OSMR: variants seen among roughly 807,000 people sequenced by gnomAD.
OSMR encodes the protein oncostatin M receptor.
In OSMR, 81 loss-of-function variants were observed where a neutral mutation model predicts 99.9. The observed-to-expected ratio is 0.81, with a 90% confidence interval of 0.68 to 0.97. The LOEUF is 0.97. OSMR is among the 50% of genes least tolerant of loss of function. The pLI is 0.00. For synonymous variants in OSMR, 406 were observed against 410.4 expected, an observed-to-expected ratio of 0.99 and a Z score of 0.13; for missense variants, 1,099 against 1,153.4, an observed-to-expected ratio of 0.95 and a Z score of 0.68.
chr5:38,903,220 A>C (rs969860335), intron 7 of OSMR, among the ~76,000 whole-genome samples: 2 of 152,204 alleles, frequency 1.3e-5, no homozygotes, highest in Admixed American at 6.5e-5. Context: ...ATTTGTTACC[A>C]TCAGACAGGC....
Position 38,932,456 on chromosome 5 carries a change from T to C in OSMR, c.2295-7T>C. 1 of 1,612,176 alleles carries C rather than the reference T, an allele frequency of 6.2e-7. No individual in the cohort carries two copies. The highest frequency in any genetic ancestry group is 8.5e-7 in the Non-Finnish European group (1 of 1,178,228). On this transcript the variant is annotated splice_region_variant and splice_polypyrimidine_tract_variant and intron_variant, in intron 16 of 17. Coordinates refer to ENST00000274276, the MANE Select transcript of OSMR (RefSeq NM_003999.3). ...AAATTCAGTCTCATTTTCGCTTTTT[T>C]TTCTAGGATCAAGGAGACCTGTTAT...
At chr5:38,912,704 C>T (rs1373887455) in intron 9 of OSMR, among the ~76,000 whole-genome samples, 1 of 152,134 alleles carries the variant, frequency 6.6e-6, no homozygotes, top group East Asian at 1.9e-4. Context: ...ACCAAAACAT[C>T]ATGGTACCAG....
chr5:38,866,995 C>T (rs887675129), intron 1 of OSMR, among the ~76,000 whole-genome samples: 1 of 152,142 alleles, frequency 6.6e-6, no homozygotes, highest in African/African-American at 2.4e-5. Context: ...CACTTCCCTG[C>T]TGAATTCCAG....
At chr5:38,914,236 C>A (rs1745770733) in intron 9 of OSMR, among the ~76,000 whole-genome samples, 1 of 152,158 alleles carries the variant, frequency 6.6e-6, no homozygotes, top group African/African-American at 2.4e-5. Context: ...TTCTCAGAGG[C>A]CACTCTCTTT....
chr5:38,943,971 G>A (rs993700643), intron 1 of OSMR, among the ~76,000 whole-genome samples: 3 of 152,010 alleles, frequency 2.0e-5, no homozygotes, highest in African/African-American at 2.4e-5. Context: ...TTTGGTCTCA[G>A]GACTTACTTT....
At chr5:38,898,492 A>C (rs992977415) in intron 7 of OSMR, among the ~76,000 whole-genome samples, 1 of 152,134 alleles carries the variant, frequency 6.6e-6, no homozygotes, top group African/African-American at 2.4e-5. Context: ...GTGCCTTTAT[A>C]GGCTAAGTGC....
intron 2 of OSMR, among the ~76,000 whole-genome samples, chr5:38,873,058 C>A (rs1742518095): frequency 6.6e-6 from 1 of 152,160 alleles, no homozygotes; most frequent in African/African-American, 2.4e-5. Flanking sequence ...ATTTTCATTA[C>A]CCCAGAAAGG....
chr5:38,929,721 A>C (rs72635269), intron 15 of OSMR, among the ~76,000 whole-genome samples: 2,838 of 152,316 alleles, frequency 0.019, 58 homozygotes, highest in African/African-American at 0.052. Context: ...ATATGCCCCC[A>C]AAATGCCTAC....
At chr5:38,911,835 A>C (rs1359107379) in intron 9 of OSMR, among the ~76,000 whole-genome samples, 1 of 152,244 alleles carries the variant, frequency 6.6e-6, no homozygotes, top group Non-Finnish European at 1.5e-5. Context: ...CAATATATGC[A>C]GAAAAAGCTT....
chr5:38,941,561 A>T (rs1747573667), intron 1 of OSMR: 1 of 231,216 alleles, frequency 4.3e-6, no homozygotes, highest in African/African-American at 2.2e-5. Flanking sequence ...AATTAAAATA[A>T]AAAATGATTT....
intron 7 of OSMR, among the ~76,000 whole-genome samples, chr5:38,899,519 C>T (rs72635260): frequency 0.034 from 5,123 of 152,212 alleles, 258 homozygotes; most frequent in African/African-American, 0.1. Context: ...GTGGGTCTCA[C>T]CTGAAGCCAG....
chr5:38,890,604 T>C (rs1278748225), intron 7 of OSMR, among the ~76,000 whole-genome samples: 3 of 102,016 alleles, frequency 2.9e-5, no homozygotes, highest in East Asian at 5.4e-4. Context: ...AGCCCCCTCT[T>C]TTTTTTTTTT....
At position 38,894,402 on chromosome 5, in the gene OSMR, G is replaced by T. The variant is rs114938594; in HGVS notation, c.991+8212G>T. 3.1e-3 allele frequency among the ~76,000 whole-genome samples: 466 copies of T among 148,032 alleles called. 2 individuals are homozygous for T. The highest frequency in any genetic ancestry group is 0.011 in the African/African-American group (439 of 40,422). ...ATTAAATTAATTATTGAATGAAAAA[G>T]AAAAAAAAAGAAAAAACAAGACCAA... On this transcript the variant is annotated intron_variant, in intron 7 of 17. Transcript: ENST00000274276.
At chr5:38,865,054 T>A (rs1741833262) in intron 1 of OSMR, among the ~76,000 whole-genome samples, 1 of 152,208 alleles carries the variant, frequency 6.6e-6, no homozygotes, top group Non-Finnish European at 1.5e-5. Flanking sequence ...GTGAAGCTCT[T>A]GATTGTATTT....
Position 38,924,433 on chromosome 5 carries a change from A to T in OSMR, c.1882A>T (p.Asn628Tyr). 1 of 1,614,152 alleles carries T rather than the reference A, an allele frequency of 6.2e-7. No individual in the cohort carries two copies. Among genetic ancestry groups the T allele is most frequent in the African/African-American group, 1.3e-5 (1 of 75,044 alleles). Reference sequence around the variant, plus strand: ...ACTTCTTTTCCTAGCTCCTTCAGACAACCCTCACGTGCTGGTGGATACATT... The same window carrying T: ...ACTTCTTTTCCTAGCTCCTTCAGACTACCCTCACGTGCTGGTGGATACATT... ...GYSQELAPSDNPHVLVDTLTS... is the reference protein window; with the variant it reads ...GYSQELAPSDYPHVLVDTLTS... Residue 628 changes from asparagine to tyrosine, a missense_variant, in exon 14 of 18, where the codon AAC becomes TAC. Coordinates refer to ENST00000274276, the MANE Select transcript of OSMR (RefSeq NM_003999.3).
chr5:38,883,928 C>A lies in OSMR; in HGVS notation c.520C>A (p.Gln174Lys), dbSNP rs778792259. 2.5e-6 allele frequency: 4 copies of A among 1,613,588 alleles called. No homozygotes were observed. In the South Asian group the frequency reaches 4.4e-5, roughly 18 times the overall value. ...VTICYVSRNI[Q>K]NNVSCYLEGK... is the part of the protein sequence containing the mutation. Reference sequence around the variant, plus strand: ...CATTTGTTACGTTTCTAGGAACATTCAAAATAATGTATCCTGTTATTTGGA... The same window carrying A: ...CATTTGTTACGTTTCTAGGAACATTAAAAATAATGTATCCTGTTATTTGGA... The change falls in exon 5 of 18, where the codon CAA (glutamine) becomes AAA (lysine). Residue 174 changes from glutamine to lysine, a missense_variant. Physicochemically the swap from Gln to Lys is moderately conservative, Grantham distance 53. Coordinates refer to ENST00000274276, the MANE Select transcript of OSMR (RefSeq NM_003999.3).
intron 9 of OSMR, among the ~76,000 whole-genome samples, chr5:38,914,546 C>T (rs762872902): frequency 3.3e-5 from 5 of 152,178 alleles, no homozygotes; most frequent in Non-Finnish European, 5.9e-5. Flanking sequence ...TCTACCAACA[C>T]GCATATGTTC....
Position 38,874,529 on chromosome 5 carries a change from C to T in OSMR, c.74-1672C>T, listed in dbSNP as rs1436039268. On this transcript the variant is annotated intron_variant, in intron 2 of 17. Transcript: ENST00000274276. The stretch of plus-strand genomic sequence containing the variant: ...AGCTTTCTACTATGTGGACCAATCA[C>T]AAGAAAAACATCATGTTTGTCTTGT... 5.3e-5 allele frequency among the ~76,000 whole-genome samples: 8 copies of T among 152,308 alleles called. No individual in the cohort carries two copies. In the East Asian group the frequency reaches 1.4e-3, roughly 26 times the overall value.
At chr5:38,943,542 G>A (rs930573443) in intron 1 of OSMR, among the ~76,000 whole-genome samples, 3 of 152,064 alleles carry the variant, frequency 2.0e-5, no homozygotes, top group South Asian at 2.1e-4. Context: ...GGCTGGGCAC[G>A]GTGGCTCATG....
Sources: gnomAD v4.1 joint callset for allele counts (sites outside exome capture counted in the v4.1 genomes callset) on GRCh38, gnomAD v4.1.1 for gene constraint, MANE v1.5 for transcripts, NCBI Gene and HGNC (gene_info 2026-07-23, HGNC 2026-07-21) for gene names.